Variants in ARL15 observed in about 807,000 individuals in gnomAD.
ARL15 encodes ARF like GTPase 15.
Under a neutral mutation model 25.2 loss-of-function variants are expected in ARL15, and 19 were observed. The observed-to-expected ratio is 0.75, with a 90% CI of 0.53 to 1.10. ARL15 has a LOEUF of 1.10. Among genes scored for constraint, ARL15 ranks in the 50% least tolerant of loss-of-function variants. The pLI is 0.00. For missense variants in ARL15, 220 were observed against 246.0 expected, an observed-to-expected ratio of 0.89 and a Z score of 0.71; for synonymous variants, 94 against 86.8, an observed-to-expected ratio of 1.08 and a Z score of -0.46.
intron 1 of ARL15, among the ~76,000 whole-genome samples, chr5:54,189,253 C>T (rs975619966): frequency 5.9e-5 from 9 of 152,072 alleles, no homozygotes; most frequent in Non-Finnish European, 1.5e-5. Flanking sequence ...CAAATGGATT[C>T]AATGCAATCC....
At chr5:54,285,362 A>T in intron 1 of ARL15, 1 of 883,778 alleles carries the variant, frequency 1.1e-6, no homozygotes, top group Non-Finnish European at 1.4e-6. Flanking sequence ...GTTTTCCCTA[A>T]GAAATTTCAA....
chr5:54,175,239 TTTA>T (rs1330889085), intron 1 of ARL15, among the ~76,000 whole-genome samples: 1 of 152,196 alleles, frequency 6.6e-6, no homozygotes, highest in East Asian at 1.9e-4. Context: ...ATTTTACCTG[TTTA>T]TTCTAGGTCA....
intron 4 of ARL15, among the ~76,000 whole-genome samples, chr5:53,991,743 C>T (rs1175167925): frequency 6.6e-6 from 1 of 152,002 alleles, no homozygotes; most frequent in African/African-American, 2.4e-5. Flanking sequence ...CCCAAATTTT[C>T]TTGATTCATG....
chr5:53,981,331 A>G (rs1748110712), intron 4 of ARL15, among the ~76,000 whole-genome samples: 1 of 152,180 alleles, frequency 6.6e-6, no homozygotes, highest in Non-Finnish European at 1.5e-5. Flanking sequence ...TGGTTTTATT[A>G]AATTTTATCC....
intron 4 of ARL15, among the ~76,000 whole-genome samples, chr5:53,933,680 A>C (rs910016733): frequency 6.6e-6 from 1 of 150,408 alleles, no homozygotes; most frequent in African/African-American, 2.4e-5. Flanking sequence ...CAGAAAAAGC[A>C]GTCAGATACA....
chr5:54,189,067 A>G (rs1183367166), intron 1 of ARL15, among the ~76,000 whole-genome samples: 1 of 152,234 alleles, frequency 6.6e-6, no homozygotes, highest in East Asian at 1.9e-4. Context: ...AATTCCATTT[A>G]TAATAGCACG....
intron 4 of ARL15, among the ~76,000 whole-genome samples, chr5:53,944,890 A>T (rs1381891444): frequency 6.6e-6 from 1 of 152,252 alleles, no homozygotes; most frequent in East Asian, 1.9e-4. Context: ...GGTTAGAAGT[A>T]GCCCAATTAA....
intron 2 of ARL15, among the ~76,000 whole-genome samples, chr5:54,170,748 T>C (rs1220592306): frequency 1.3e-5 from 2 of 152,168 alleles, no homozygotes. Flanking sequence ...GTCATGCCCC[T>C]TCCTTCCATG....
intron 1 of ARL15, among the ~76,000 whole-genome samples, chr5:54,285,667 G>A (rs1388915552): frequency 6.6e-6 from 1 of 152,132 alleles, no homozygotes; most frequent in African/African-American, 2.4e-5. Flanking sequence ...AGCCAAGCCA[G>A]TTCTTCAGAG....
intron 1 of ARL15, among the ~76,000 whole-genome samples, chr5:54,201,049 A>G (rs578000870): frequency 2.7e-5 from 4 of 147,132 alleles, no homozygotes; most frequent in African/African-American, 7.4e-5. Context: ...GTGGGTTAGG[A>G]AAAAAAAAAA....
At chr5:54,061,989 T>C (rs1455912552) in intron 4 of ARL15, among the ~76,000 whole-genome samples, 1 of 152,192 alleles carries the variant, frequency 6.6e-6, no homozygotes, top group Admixed American at 6.5e-5. Flanking sequence ...GGGAACCTAC[T>C]TGTTGCATCT....
At chr5:53,895,604 T>G (rs886800535) in intron 4 of ARL15, among the ~76,000 whole-genome samples, 2 of 152,194 alleles carry the variant, frequency 1.3e-5, no homozygotes, top group African/African-American at 2.4e-5. Flanking sequence ...TGAAAAGGAA[T>G]ATACAGTTTG....
intron 1 of ARL15, among the ~76,000 whole-genome samples, chr5:54,182,417 A>C (rs1012022468): frequency 6.7e-6 from 1 of 149,000 alleles, no homozygotes; most frequent in Non-Finnish European, 1.5e-5. Context: ...TCCTTTCCCC[A>C]TTGCCTGTTT....
chr5:53,971,395 T>C (rs1357930805), intron 4 of ARL15, among the ~76,000 whole-genome samples: 1 of 152,154 alleles, frequency 6.6e-6, no homozygotes, highest in Non-Finnish European at 1.5e-5. Flanking sequence ...CCAAGAACTT[T>C]ATCTGGAAAA....
At chr5:54,166,685 G>A (rs958437036) in intron 2 of ARL15, among the ~76,000 whole-genome samples, 3 of 152,100 alleles carry the variant, frequency 2.0e-5, no homozygotes, top group Non-Finnish European at 4.4e-5. Context: ...CTCGCTGGAT[G>A]CTCTTTGCAT....
chr5:54,041,363 C>T (rs1750338519), intron 4 of ARL15, among the ~76,000 whole-genome samples: 1 of 152,156 alleles, frequency 6.6e-6, no homozygotes, highest in Admixed American at 6.5e-5. Context: ...TTTCTGAAAA[C>T]TACATCTGCA....
chr5:54,127,655 T>C (rs1368830208), intron 3 of ARL15, among the ~76,000 whole-genome samples: 1 of 151,606 alleles, frequency 6.6e-6, no homozygotes, highest in Non-Finnish European at 1.5e-5. Context: ...CTTCACAGAG[T>C]TGGAAAAAAC....
intron 4 of ARL15, among the ~76,000 whole-genome samples, chr5:53,960,611 G>A (rs1176351540): frequency 6.6e-6 from 1 of 152,186 alleles, no homozygotes; most frequent in Non-Finnish European, 1.5e-5. Flanking sequence ...AAGATGTTTT[G>A]TAAAATAGGT....
intron 1 of ARL15, among the ~76,000 whole-genome samples, chr5:54,217,509 G>A (rs574539607): frequency 1.1e-4 from 17 of 152,160 alleles, no homozygotes; most frequent in African/African-American, 3.9e-4. Flanking sequence ...TAAGGATAGC[G>A]TTATTCCCTG....
Sources: allele counts gnomAD v4.1 joint callset (sites outside exome capture counted in the v4.1 genomes callset), GRCh38; gene constraint gnomAD v4.1.1; transcripts MANE v1.5; gene names NCBI Gene and HGNC (gene_info 2026-07-23, HGNC 2026-07-21).